Variants in CASK observed in about 807,000 individuals in gnomAD.
The protein encoded by CASK is calcium/calmodulin dependent serine protein kinase, also known as peripheral plasma membrane protein CASK.
In CASK, 4 loss-of-function variants were observed where a neutral mutation model predicts 82.9. That is an observed-to-expected ratio of 0.05 (90% CI 0.02 to 0.11). The LOEUF is 0.11. Ranked by LOEUF, CASK falls within the 10% of genes least tolerant of loss-of-function variation. The pLI, the probability that CASK is intolerant of heterozygous loss-of-function variation, is 1.00. For synonymous variants in CASK, 259 were observed against 253.5 expected (o/e 1.02, Z -0.20); for missense variants, 358 against 720.9 (o/e 0.50, Z 5.76).
At chrX:41,746,261 T>G (rs752167560) in intron 3 of CASK, among the ~76,000 whole-genome samples, 2 of 111,329 alleles carry the variant, frequency 1.8e-5, no homozygotes, top group African/African-American at 6.5e-5. Flanking sequence ...TGTCCACTGA[T>G]GTTTCAAGAA....
Position 41,918,248 on chromosome X carries a change from T to C in CASK, c.59+4682A>G, listed in dbSNP as rs113243186. 3.5e-3 allele frequency among the ~76,000 whole-genome samples: 394 copies of C among 112,410 alleles called. 3 individuals carry two copies. The highest frequency in any genetic ancestry group is 5.0e-3 in the Non-Finnish European group (268 of 53,300). On this transcript the variant is annotated intron_variant, in intron 1 of 26. Coordinates refer to ENST00000378163, the MANE Select transcript of CASK (RefSeq NM_001367721.1). Reference sequence around the variant, plus strand: ...CATGAATCAATACATGTGAAAGTCATAGTAATTAGTACAAATTAGTAAAGC... The same window carrying C: ...CATGAATCAATACATGTGAAAGTCACAGTAATTAGTACAAATTAGTAAAGC...
intron 1 of CASK, among the ~76,000 whole-genome samples, chrX:41,869,053 A>G (rs1454736101): frequency 8.9e-6 from 1 of 111,775 alleles, no homozygotes; most frequent in Non-Finnish European, 1.9e-5. Context: ...GAAAGTATCA[A>G]ATATCTTATA....
chrX:41,569,927 T>A (rs1375851200), intron 15 of CASK, among the ~76,000 whole-genome samples, 181 bp from the exon 16 acceptor site: 1 of 109,290 alleles, frequency 9.1e-6, no homozygotes, highest in African/African-American at 3.3e-5. Flanking sequence ...ATGACAAAAA[T>A]ACTATTTTTG....
rs184344417 is a variant in CASK, at chrX:41,742,596, A to T, written c.356+2928T>A. The stretch of plus-strand genomic sequence containing the variant: ...CTTGAAGCTCAGCCAGTTGGAGAAA[A>T]ACAACATTATCAATTTGATTACTTG... On this transcript the variant is annotated intron_variant, in intron 4 of 26. Transcript: ENST00000378163. Among the ~76,000 whole-genome samples, 1,024 of 111,749 alleles carry T rather than the reference A, an allele frequency of 9.2e-3. 10 individuals carry two copies. The highest frequency in any genetic ancestry group is 0.015 in the Non-Finnish European group (801 of 53,124).
chrX:41,915,557 GTATCACC>G (rs1353956801), intron 1 of CASK, among the ~76,000 whole-genome samples: 1 of 112,256 alleles, frequency 8.9e-6, no homozygotes, highest in East Asian at 2.8e-4. Flanking sequence ...ACTTATCTTT[GTATCACC>G]TATATTTTAA....
At chrX:41,899,102 G>A (rs1390619500) in intron 1 of CASK, among the ~76,000 whole-genome samples, 1 of 111,338 alleles carries the variant, frequency 9.0e-6, no homozygotes, top group East Asian at 2.8e-4. Context: ...TTCTGATGTT[G>A]GGTGCATATA....
At chrX:41,879,080 C>T (rs1474929518) in intron 1 of CASK, among the ~76,000 whole-genome samples, 1 of 111,250 alleles carries the variant, frequency 9.0e-6, no homozygotes, top group Non-Finnish European at 1.9e-5. Context: ...TAATAAGATA[C>T]CTGTACAGGG....
chrX:41,565,308 GA>G (rs774227392), intron 16 of CASK, among the ~76,000 whole-genome samples: 3 of 111,222 alleles, frequency 2.7e-5, no homozygotes, highest in Non-Finnish European at 5.7e-5. Context: ...CGGTTTTTCT[GA>G]AAAGACCAAA....
chrX:41,718,812 G>C (rs1040553735), intron 5 of CASK, among the ~76,000 whole-genome samples: 4 of 111,845 alleles, frequency 3.6e-5, no homozygotes, highest in Non-Finnish European at 7.5e-5. Flanking sequence ...CAGCACAAGA[G>C]AGAGAGAATT....
chrX:41,618,332 C>G (rs1267588131), intron 11 of CASK, among the ~76,000 whole-genome samples: 1 of 111,849 alleles, frequency 8.9e-6, no homozygotes, highest in African/African-American at 3.2e-5. Context: ...CAGGATCTTG[C>G]TCTGTTGCCT....
intron 1 of CASK, among the ~76,000 whole-genome samples, chrX:41,906,941 T>C (rs1042396097): frequency 8.0e-5 from 9 of 112,956 alleles, no homozygotes; most frequent in Admixed American, 2.8e-4. Flanking sequence ...AGTAGATAGG[T>C]TGCCTTTGGC....
intron 16 of CASK, 28 bp from the exon 17 acceptor site, chrX:41,561,672 T>C (rs747400260): frequency 8.0e-6 from 8 of 999,586 alleles, no homozygotes; most frequent in Non-Finnish European, 1.1e-5. Flanking sequence ...ATTATAAACA[T>C]GAAATGATAT....
chrX:41,593,083 G>A (rs2065770453), intron 12 of CASK, among the ~76,000 whole-genome samples: 1 of 111,692 alleles, frequency 9.0e-6, no homozygotes, highest in African/African-American at 3.3e-5. Flanking sequence ...AGGATGAGGG[G>A]GAGGTGGGAT....
chrX:41,766,624 C>T (rs142917999), intron 3 of CASK, among the ~76,000 whole-genome samples: 1,157 of 112,169 alleles, frequency 0.01, 17 homozygotes, highest in African/African-American at 0.036. Context: ...CACTGGCTCA[C>T]GCCTGTAATC....
chrX:41,752,920 T>C (rs1243591082), intron 3 of CASK, among the ~76,000 whole-genome samples: 1 of 111,901 alleles, frequency 8.9e-6, no homozygotes, highest in Non-Finnish European at 1.9e-5. Flanking sequence ...ATTATTTCCT[T>C]CCAAGGGAAA....
At chrX:41,801,458 C>T (rs1037465696) in intron 2 of CASK, among the ~76,000 whole-genome samples, 11 of 112,094 alleles carry the variant, frequency 9.8e-5, no homozygotes, top group Non-Finnish European at 1.3e-4. Flanking sequence ...CATTCATTTT[C>T]ACTCTCAATA....
intron 3 of CASK, among the ~76,000 whole-genome samples, chrX:41,767,811 G>A (rs762358400): frequency 1.2e-4 from 13 of 111,256 alleles, no homozygotes; most frequent in Non-Finnish European, 3.8e-5. Flanking sequence ...ATCAAGGAGC[G>A]GATGATATAC....
At chrX:41,591,724 C>T (rs1197038515) in intron 12 of CASK, among the ~76,000 whole-genome samples, 1 of 110,359 alleles carries the variant, frequency 9.1e-6, no homozygotes, top group Non-Finnish European at 1.9e-5. Context: ...ATCCGCCCGC[C>T]TCGGCCTCCC....
intron 1 of CASK, among the ~76,000 whole-genome samples, chrX:41,908,282 G>A (rs1410720422): frequency 1.8e-5 from 2 of 112,156 alleles, no homozygotes; most frequent in African/African-American, 6.5e-5. Context: ...TGCTGAAGCA[G>A]GGAGAATTGC....
Sources: gnomAD v4.1 joint callset for allele counts (sites outside exome capture counted in the v4.1 genomes callset) on GRCh38, gnomAD v4.1.1 for gene constraint, MANE v1.5 for transcripts, NCBI Gene and HGNC (gene_info 2026-07-23, HGNC 2026-07-21) for gene names.